WDR7: variants seen among roughly 807,000 people sequenced by gnomAD.
The protein encoded by WDR7 is WD repeat-containing protein 7.
WDR7 carries 46 observed loss-of-function variants against 169.4 expected under a neutral mutation model. That is an observed-to-expected ratio of 0.27 (90% CI 0.21 to 0.35). WDR7 has a LOEUF of 0.35. Among genes scored for constraint, WDR7 ranks in the 10% least tolerant of loss-of-function variants. The pLI is 1.00. For synonymous variants in WDR7, 612 were observed against 666.8 expected (o/e 0.92, Z 1.27); for missense variants, 1,534 against 1,859.3 (o/e 0.83, Z 3.22).
Position 56,924,212 on chromosome 18 carries a change from G to T in WDR7, c.3713+104G>T, listed in dbSNP as rs1160980427. On this transcript the variant is annotated intron_variant, in intron 22 of 27. Coordinates refer to ENST00000254442, the MANE Select transcript of WDR7 (RefSeq NM_015285.3). ...CTGTATAGATTGTGCATGTTTAATA[G>T]ATAAAAAATACACAAATGTTTCAAT... The T allele has an allele frequency of 2.4e-6, 3 of 1,270,324 alleles. No homozygotes were observed. The African/African-American group carries it at 4.7e-5, about 20-fold the overall frequency. The allele number at this position is 1,270,324 out of a possible 1,614,324, so 78.7% of individuals were successfully genotyped here.
At position 56,816,150 on chromosome 18, in the gene WDR7, C is replaced by T; in HGVS notation, c.3304+6C>T. ...TGACGATGACATCACCACTGGTAAG[C>T]ACAGACATCTTTAACGTCTGATTGG... On this transcript the variant is annotated splice_donor_region_variant and intron_variant, in intron 20 of 27. Coordinates refer to ENST00000254442, the MANE Select transcript of WDR7 (RefSeq NM_015285.3). 2 of 1,600,454 alleles carry T rather than the reference C, an allele frequency of 1.2e-6. No individual in the cohort carries two copies. Among genetic ancestry groups the T allele is most frequent in the Non-Finnish European group, 1.7e-6 (2 of 1,175,784 alleles).
intron 12 of WDR7, 21 bp from the exon 13 acceptor site, chr18:56,717,943 A>C (rs750954439): frequency 1.7e-5 from 27 of 1,556,694 alleles, no homozygotes; most frequent in Non-Finnish European, 2.3e-5. Context: ...AAACACAATT[A>C]AGGTTTATTC....
chr18:56,684,472 T>A (rs375116093), intron 5 of WDR7, among the ~76,000 whole-genome samples: 3 of 152,342 alleles, frequency 2.0e-5, no homozygotes, highest in African/African-American at 7.2e-5. Context: ...TGTGTTGCGA[T>A]AAAACTTTAT....
At chr18:56,877,175 A>T (rs576569871) in intron 20 of WDR7, among the ~76,000 whole-genome samples, 1 of 152,352 alleles carries the variant, frequency 6.6e-6, no homozygotes, top group Admixed American at 6.5e-5. Flanking sequence ...TTTTTTAATC[A>T]TATAGAGAAT....
intron 7 of WDR7, among the ~76,000 whole-genome samples, chr18:56,689,524 G>T (rs654945): frequency 0.97 from 147,876 of 152,318 alleles, 71,923 homozygotes; most frequent in East Asian, 1. Flanking sequence ...CCTCCCAAAG[G>T]GCTGGGATTA....
At chr18:56,880,286 T>G (rs945347269) in intron 21 of WDR7, 121 bp downstream of exon 21, 16 of 914,154 alleles carry the variant, frequency 1.8e-5, no homozygotes, top group Admixed American at 8.1e-5. Context: ...TGCGTGAAGT[T>G]AGAAAGCAGT....
chr18:56,816,463 A>AT (rs1307231636), intron 20 of WDR7, among the ~76,000 whole-genome samples: 2 of 152,232 alleles, frequency 1.3e-5, no homozygotes, highest in Non-Finnish European at 2.9e-5. Flanking sequence ...GAATATACTC[A>AT]TTAAGTTTTG....
At chr18:57,008,876 A>G (rs1200461593) in intron 26 of WDR7, among the ~76,000 whole-genome samples, 1 of 152,240 alleles carries the variant, frequency 6.6e-6, no homozygotes, top group Non-Finnish European at 1.5e-5. Context: ...AAATCTCAGT[A>G]AATATTTTTA....
chr18:56,752,563 G>A (rs192471427), intron 14 of WDR7, among the ~76,000 whole-genome samples: 11 of 152,200 alleles, frequency 7.2e-5, no homozygotes, highest in Admixed American at 2.6e-4. Flanking sequence ...AATACCCTGC[G>A]CAAACACAAG....
rs141425834 is a variant in WDR7, at chr18:56,752,383, C to T, written c.1990-4200C>T. ...CATTACATCTTCCATGCGGGTTTCC[C>T]GGTCACCCGAGATGGAGCTGGTACT... On this transcript the variant is annotated intron_variant, in intron 14 of 27. Transcript: ENST00000254442. Among the ~76,000 whole-genome samples the T allele has an allele frequency of 1.2e-4, 19 of 152,262 alleles. No individual in the cohort carries two copies. The East Asian group carries it at 3.3e-3, about 26-fold the overall frequency.
In WDR7 at chr18:56,892,395, T is replaced by C. The variant is rs145247114; in HGVS notation, c.3526+12230T>C. ...GCATCTTTAAAGTATTTTTCTGCTG[T>C]CTGTCCTTTACATAACTCATTTTCC... On this transcript the variant is annotated intron_variant, in intron 21 of 27. Coordinates refer to ENST00000254442, the MANE Select transcript of WDR7 (RefSeq NM_015285.3). Among the ~76,000 whole-genome samples the C allele has an allele frequency of 1.4e-4, 21 of 152,246 alleles. No homozygotes were observed. In the East Asian group the frequency reaches 4.0e-3, roughly 29 times the overall value.
At chr18:56,909,758 A>G (rs2046528531) in intron 21 of WDR7, among the ~76,000 whole-genome samples, 1 of 152,178 alleles carries the variant, frequency 6.6e-6, no homozygotes, top group South Asian at 2.1e-4. Context: ...ATGGTGTTAT[A>G]GTGCTTTTCA....
At position 56,744,245 on chromosome 18, in the gene WDR7, GAAAAAAAAAAA is replaced by G. The variant is rs58110613; in HGVS notation, c.1990-12324_1990-12314del. On this transcript the variant is annotated intron_variant, in intron 14 of 27. Transcript: ENST00000254442. Reference sequence around the variant, plus strand: ...CAGAGCGAGACTCCGTCTCAAAAAAGAAAAAAAAAAAAAAAAAAAAAAAAGAAAGAGCACAG... The same window carrying G: ...CAGAGCGAGACTCCGTCTCAAAAAAGAAAAAAAAAAAAAGAAAGAGCACAG... Among the ~76,000 whole-genome samples the G allele has an allele frequency of 1.8e-3, 154 of 86,886 alleles. 1 individual carries two copies. Among genetic ancestry groups the G allele is most frequent in the African/African-American group, 6.2e-3 (153 of 24,504 alleles). 57.0% of individuals were successfully genotyped at this position (86,886 alleles called of 152,430 possible).
intron 26 of WDR7, among the ~76,000 whole-genome samples, chr18:57,017,993 TTAC>T (rs1329393903): frequency 6.6e-6 from 1 of 152,232 alleles, no homozygotes; most frequent in African/African-American, 2.4e-5. Flanking sequence ...TGAGTCTGTT[TTAC>T]TACTTTTACA....
chr18:56,727,298 C>T (rs1317529634), intron 13 of WDR7, among the ~76,000 whole-genome samples: 1 of 152,042 alleles, frequency 6.6e-6, no homozygotes, highest in Admixed American at 6.5e-5. Context: ...AGGCAGAGTC[C>T]ACTCTTTCCC....
At chr18:57,030,340 C>T (rs963867066), downstream of WDR7, 22 of 152,196 alleles carry the variant, frequency 1.4e-4, no homozygotes, top group African/African-American at 5.1e-4. Flanking sequence ...AGTCAATCAT[C>T]GTGTAACAGT....
chr18:56,767,263 A>G (rs2044082526), intron 16 of WDR7, among the ~76,000 whole-genome samples: 1 of 152,102 alleles, frequency 6.6e-6, no homozygotes, highest in Non-Finnish European at 1.5e-5. Context: ...ACAGACATGT[A>G]CTGATTGGTA....
chr18:56,948,282 C>T (rs1160367421), intron 25 of WDR7, among the ~76,000 whole-genome samples: 1 of 152,076 alleles, frequency 6.6e-6, no homozygotes, highest in Non-Finnish European at 1.5e-5. Context: ...GACCATATGT[C>T]CCAGCATTCC....
At chr18:56,770,452 G>C (rs1314764475) in intron 16 of WDR7, among the ~76,000 whole-genome samples, 1 of 152,136 alleles carries the variant, frequency 6.6e-6, no homozygotes, top group African/African-American at 2.4e-5. Context: ...CATGGTTCTT[G>C]GTCTTAGAGA....
Sources: allele counts gnomAD v4.1 joint callset (sites outside exome capture counted in the v4.1 genomes callset), GRCh38; gene constraint gnomAD v4.1.1; transcripts MANE v1.5; gene names NCBI Gene and HGNC (gene_info 2026-07-23, HGNC 2026-07-21).